The following ANO10 variants were observed in gnomAD, a reference collection of about 807,000 sequenced individuals.
The protein encoded by ANO10 is anoctamin 10, also known as anoctamin-10.
Under a neutral mutation model 74.7 loss-of-function variants are expected in ANO10, and 77 were observed. The observed-to-expected ratio is 1.03, with a 90% CI of 0.86 to 1.25. The LOEUF (loss-of-function observed/expected upper bound fraction) is 1.25, where lower values mean the gene tolerates loss of function less well. Among genes scored for constraint, ANO10 ranks in the 50% most tolerant of loss-of-function variants. ANO10 has a pLI of 0.00. For synonymous variants in ANO10, 279 were observed against 284.9 expected, an observed-to-expected ratio of 0.98 and a Z score of 0.21; for missense variants, 721 against 778.1, an observed-to-expected ratio of 0.93 and a Z score of 0.87.
intron 11 of ANO10, chr3:43,472,452 G>A (rs2075898005): frequency 6.6e-6 from 1 of 152,112 alleles, no homozygotes; most frequent in Non-Finnish European, 1.5e-5. Context: ...TGATAGGACT[G>A]TTCAAGTTTA....
intron 12 of ANO10, among the ~76,000 whole-genome samples, chr3:43,415,505 T>C (rs905117078): frequency 6.6e-6 from 1 of 152,080 alleles, no homozygotes; most frequent in African/African-American, 2.4e-5. Context: ...GTACAGACTG[T>C]GAATAAAAAT....
At chr3:43,668,445 T>TA (rs2084018561) in intron 1 of ANO10, among the ~76,000 whole-genome samples, 1 of 152,162 alleles carries the variant, frequency 6.6e-6, no homozygotes, top group Non-Finnish European at 1.5e-5. Context: ...TTCCATTTTT[T>TA]AATTTTTGTT....
In ANO10 at chr3:43,577,034, TC is replaced by T; in HGVS notation, c.819del (p.Thr274HisfsTer4). 6.2e-7 allele frequency: 1 copy of T among 1,614,086 alleles called. No individual in the cohort carries two copies. The highest frequency in any genetic ancestry group is 8.5e-7 in the Non-Finnish European group (1 of 1,180,006). ...TCAAACTTTCTCTTCATGAGCAGTGTCCCCCACCTGTAGGTCATGTTGGCAC... is the reference window on the plus strand; with the variant it reads ...TCAAACTTTCTCTTCATGAGCAGTGTCCCCACCTGTAGGTCATGTTGGCAC... ...RGCANMTYRW[G>X]TLLMKRKFEE... On this transcript the variant is annotated frameshift_variant, in exon 6 of 13. Coordinates refer to ENST00000292246, the MANE Select transcript of ANO10 (RefSeq NM_018075.5). LOFTEE classifies it high-confidence loss of function.
chr3:43,540,266 CCT>C (rs1413712161), intron 11 of ANO10, among the ~76,000 whole-genome samples: 1 of 152,234 alleles, frequency 6.6e-6, no homozygotes, highest in Non-Finnish European at 1.5e-5. Flanking sequence ...TAGGGCCCTT[CCT>C]CTGAGTAGGA....
chr3:43,430,072 T>C (rs897789080), intron 12 of ANO10, among the ~76,000 whole-genome samples: 1 of 152,188 alleles, frequency 6.6e-6, no homozygotes, highest in African/African-American at 2.4e-5. Flanking sequence ...CGAAATGTGG[T>C]ATTTCACTGG....
chr3:43,608,650 T>C (rs376511054), intron 1 of ANO10, among the ~76,000 whole-genome samples: 2 of 152,154 alleles, frequency 1.3e-5, no homozygotes, highest in South Asian at 2.1e-4. Context: ...GGTGTGATCG[T>C]GGCTCACTGC....
chr3:43,501,697 G>C (rs763288350), intron 11 of ANO10, among the ~76,000 whole-genome samples: 1 of 152,176 alleles, frequency 6.6e-6, no homozygotes, highest in Non-Finnish European at 1.5e-5. Context: ...TTGCCACACA[G>C]CCCAGCATAA....
At chr3:43,563,826 C>T (rs1237077664) in intron 8 of ANO10, among the ~76,000 whole-genome samples, 1 of 151,914 alleles carries the variant, frequency 6.6e-6, no homozygotes, top group African/African-American at 2.4e-5. Flanking sequence ...TAGAGTGGGA[C>T]GACGGTTACC....
intron 12 of ANO10, among the ~76,000 whole-genome samples, chr3:43,408,582 G>A (rs955861868): frequency 5.3e-5 from 8 of 152,166 alleles, no homozygotes; most frequent in Non-Finnish European, 8.8e-5. Context: ...CCAAACCTGC[G>A]ATCTGAAACC....
At chr3:43,633,222 A>C (rs1323595229) in intron 1 of ANO10, among the ~76,000 whole-genome samples, 1 of 152,222 alleles carries the variant, frequency 6.6e-6, no homozygotes, top group Non-Finnish European at 1.5e-5. Flanking sequence ...GGTAAAAACC[A>C]CAATAACTTT....
chr3:43,422,545 A>G (rs941680569), intron 12 of ANO10, among the ~76,000 whole-genome samples: 1 of 152,212 alleles, frequency 6.6e-6, no homozygotes, highest in African/African-American at 2.4e-5. Flanking sequence ...GCACACAGCC[A>G]TCACTTCTAC....
intron 1 of ANO10, among the ~76,000 whole-genome samples, chr3:43,688,155 CTT>C (rs112966065): frequency 0.022 from 3,422 of 152,228 alleles, 75 homozygotes; most frequent in African/African-American, 0.057. Context: ...CTCTTTCTCT[CTT>C]TTTTTCTTTC....
chr3:43,401,518 TA>T (rs2092481798), intron 12 of ANO10, among the ~76,000 whole-genome samples: 1 of 152,234 alleles, frequency 6.6e-6, no homozygotes. Flanking sequence ...TCTAGCTGCT[TA>T]CACACAGTTT....
chr3:43,457,493 A>C (rs1227286267), intron 11 of ANO10, among the ~76,000 whole-genome samples: 4 of 152,154 alleles, frequency 2.6e-5, no homozygotes, highest in African/African-American at 9.7e-5. Context: ...AACACTTATA[A>C]AAACCACCAG....
At chr3:43,484,133 A>G (rs928816072) in intron 11 of ANO10, among the ~76,000 whole-genome samples, 11 of 152,018 alleles carry the variant, frequency 7.2e-5, no homozygotes, top group Non-Finnish European at 2.9e-5. Context: ...GGGTTTCACC[A>G]TGTTGCCCAG....
At chr3:43,661,937 A>T (rs1258066431) in intron 1 of ANO10, among the ~76,000 whole-genome samples, 1 of 152,228 alleles carries the variant, frequency 6.6e-6, no homozygotes, top group African/African-American at 2.4e-5. Context: ...AGAGACTTAG[A>T]TTCCCACACA....
intron 1 of ANO10, among the ~76,000 whole-genome samples, chr3:43,661,716 C>A (rs1218200992): frequency 4.6e-5 from 7 of 151,968 alleles, no homozygotes; most frequent in Non-Finnish European, 8.8e-5. Flanking sequence ...GGACGATCTA[C>A]CAAACAAATG....
chr3:43,511,818 GT>G (rs2077517866), intron 11 of ANO10, among the ~76,000 whole-genome samples: 1 of 152,218 alleles, frequency 6.6e-6, no homozygotes, highest in Non-Finnish European at 1.5e-5. Flanking sequence ...AATCATGCCT[GT>G]GGGGTAAGAG....
intron 12 of ANO10, among the ~76,000 whole-genome samples, chr3:43,420,727 G>A (rs1298486392): frequency 6.6e-6 from 1 of 152,028 alleles, no homozygotes; most frequent in Non-Finnish European, 1.5e-5. Flanking sequence ...CAAAGTCAAA[G>A]GATTAGCACT....
Sources: gnomAD v4.1 joint callset for allele counts (sites outside exome capture counted in the v4.1 genomes callset) on GRCh38, gnomAD v4.1.1 for gene constraint, MANE v1.5 for transcripts, NCBI Gene and HGNC (gene_info 2026-07-23, HGNC 2026-07-21) for gene names.